Variants in ISY1 observed in about 807,000 individuals in gnomAD.
The protein encoded by ISY1 is ISY1 spliceosome associated protein, also known as pre-mRNA-splicing factor ISY1 homolog.
A neutral mutation model predicts 54.4 loss-of-function variants in ISY1; 12 were observed. That is an observed-to-expected ratio of 0.22 (90% CI 0.14 to 0.36). The LOEUF is 0.36. ISY1 is among the 10% of genes least tolerant of loss of function. The pLI, the probability that ISY1 is intolerant of heterozygous loss-of-function variation, is 1.00. For missense variants in ISY1, 282 were observed against 342.2 expected, an observed-to-expected ratio of 0.82 and a Z score of 1.39; for synonymous variants, 96 against 117.9, an observed-to-expected ratio of 0.81 and a Z score of 1.20.
rs767849123 is a variant in ISY1, at chr3:129,149,427, C to CAA, written c.188-3556_188-3555dup. On this transcript the variant is annotated intron_variant, in intron 5 of 10. Coordinates refer to ENST00000393295, the MANE Select transcript of ISY1 (RefSeq NM_020701.4). ...TGGCGACAAGAACAAAACTCTATCT[C>CAA]AAAAAAAAAAAAAAAAAAAAAAAAA... is the stretch of plus-strand genomic sequence containing the variant. 3.7e-3 allele frequency among the ~76,000 whole-genome samples: 90 copies of CAA among 24,208 alleles called. 2 individuals carry two copies. The highest frequency in any genetic ancestry group is 7.4e-3 in the African/African-American group (54 of 7,334). The allele number at this position is 24,208 out of a possible 152,430, so 15.9% of individuals were successfully genotyped here.
At chr3:129,148,663 C>T (rs189268517) in intron 5 of ISY1, among the ~76,000 whole-genome samples, 58 of 152,358 alleles carry the variant, frequency 3.8e-4, no homozygotes, top group African/African-American at 1.2e-3. Flanking sequence ...CTCTCAGGTT[C>T]AAGCTATCCT....
In ISY1 at chr3:129,160,846, AC is replaced by A. The variant is rs199829036; in HGVS notation, c.3+126del. ...GGCAGGAAGAGAATCCCCTCGTTAC[AC>A]CAAGGAACTTGAAGCCCTCAGCACT... On this transcript the variant is annotated intron_variant, in intron 1 of 10. Coordinates refer to ENST00000393295, the MANE Select transcript of ISY1 (RefSeq NM_020701.4). 9.4e-3 allele frequency: 11,475 copies of A among 1,215,322 alleles called. 100 individuals are homozygous for A. The highest frequency in any genetic ancestry group is 0.01 in the Non-Finnish European group (9,041 of 861,566). 75.3% of individuals were successfully genotyped at this position (1,215,322 alleles called of 1,614,324 possible). A position where few individuals can be genotyped will look rare whatever the true frequency, so the allele number is the denominator to read the frequency against.
chr3:129,134,866 A>G lies in ISY1; in HGVS notation c.507T>C (p.Val169=). 6.2e-7 allele frequency: 1 copy of G among 1,611,074 alleles called. No individual in the cohort carries two copies. Among genetic ancestry groups the G allele is most frequent in the Non-Finnish European group, 8.5e-7 (1 of 1,177,948 alleles). The part of the protein sequence containing the change: ...YYGYLDEDDG[V]IVPLEQEYEK... ...CATATTCCTGTTCCAAAGGCACAAT[A>G]ACACCATCATCTTCATCTAGGTAAC... Residue 169 remains valine (V), a synonymous_variant, in exon 8 of 11, where the codon GTT becomes GTC. Transcript: ENST00000393295.
chr3:129,133,987 T>C, intron 9 of ISY1, 87 bp downstream of exon 9: 5 of 1,582,280 alleles, frequency 3.2e-6, no homozygotes, highest in Non-Finnish European at 4.3e-6. Flanking sequence ...ACCCTGACTC[T>C]GTATTTGGGA....
chr3:129,145,706 C>G (rs552399642), intron 6 of ISY1, 55 bp downstream of exon 6: 2 of 1,557,964 alleles, frequency 1.3e-6, no homozygotes, highest in South Asian at 2.3e-5. Context: ...GAGCTGGGAA[C>G]TGCTGTGGGT....
intron 6 of ISY1, chr3:129,144,166 G>A (rs2107609800): frequency 2.3e-6 from 1 of 442,038 alleles, no homozygotes; most frequent in East Asian, 7.0e-5. Context: ...GATCAGGCAA[G>A]GGCTCACTCT....
chr3:129,152,659 G>A (rs1046282917), intron 5 of ISY1, among the ~76,000 whole-genome samples: 5 of 152,106 alleles, frequency 3.3e-5, no homozygotes, highest in African/African-American at 1.2e-4. Flanking sequence ...ACCCACCTTG[G>A]CCTCCCAAAG....
intron 5 of ISY1, among the ~76,000 whole-genome samples, chr3:129,150,900 A>G (rs560787985): frequency 8.6e-4 from 131 of 151,656 alleles, no homozygotes; most frequent in African/African-American, 3.1e-3. Flanking sequence ...AAGCAGGCAG[A>G]TATCACTTGA....
intron 9 of ISY1, among the ~76,000 whole-genome samples, chr3:129,133,689 G>A (rs970186693): frequency 5.9e-5 from 9 of 151,966 alleles, no homozygotes; most frequent in Admixed American, 2.0e-4. Context: ...GCCAGATTCC[G>A]TTTCAAAAAA....
intron 3 of ISY1, 43 bp from the exon 4 acceptor site, chr3:129,156,963 A>C: frequency 6.2e-7 from 1 of 1,605,840 alleles, no homozygotes; most frequent in Middle Eastern, 1.7e-4. Context: ...ACTATTTACA[A>C]GTTTCAAACA....
At chr3:129,138,649 C>CA (rs1282838509) in intron 7 of ISY1, among the ~76,000 whole-genome samples, 49 of 143,900 alleles carry the variant, frequency 3.4e-4, no homozygotes, top group Admixed American at 2.9e-3. Flanking sequence ...ATCTCAAAAA[C>CA]AAAAAAAAGA....
intron 6 of ISY1, among the ~76,000 whole-genome samples, chr3:129,140,894 C>G (rs897090578): frequency 1.3e-5 from 2 of 150,924 alleles, no homozygotes; most frequent in African/African-American, 4.9e-5. Context: ...CCCACTATTT[C>G]CATGTTTGCA....
intron 1 of ISY1, 79 bp from the exon 2 acceptor site, chr3:129,159,255 G>C: frequency 6.4e-7 from 1 of 1,555,880 alleles, no homozygotes; most frequent in Non-Finnish European, 8.7e-7. Flanking sequence ...TTAGTGAAAA[G>C]TTTTACAAGA....
chr3:129,160,918 G>GCCCCACCCCCCC, intron 1 of ISY1, 55 bp downstream of exon 1: 1 of 666,128 alleles, frequency 1.5e-6, no homozygotes, highest in Non-Finnish European at 2.7e-6. Flanking sequence ...TGGACTGGGC[G>GCCCCACCCCCCC]CCCCCCCGCC....
chr3:129,136,729 A>T (rs1437706491), intron 7 of ISY1, among the ~76,000 whole-genome samples: 2 of 133,012 alleles, frequency 1.5e-5, no homozygotes, highest in Non-Finnish European at 3.2e-5. Context: ...TCGCTCTGTC[A>T]CCCAGGCTGG....
At chr3:129,148,277 T>A (rs1300860315) in intron 5 of ISY1, among the ~76,000 whole-genome samples, 3 of 152,212 alleles carry the variant, frequency 2.0e-5, no homozygotes, top group East Asian at 3.8e-4. Context: ...CAGAAAAGTA[T>A]TACATTTCTC....
intron 10 of ISY1, 98 bp downstream of exon 10, chr3:129,130,452 G>T: frequency 6.8e-7 from 1 of 1,460,218 alleles, no homozygotes; most frequent in South Asian, 1.3e-5. Context: ...GAGCTGCCCT[G>T]ATGGGTAGGA....
In ISY1 at chr3:129,130,600, C is replaced by A. The variant is rs763381572; in HGVS notation, c.700G>T (p.Asp234Tyr). ...EEGSQEKGGD[D>Y]SQQKFIAHVP... ...TGAGCAATGAACTTCTGCTGGCTGTCGTCCCCTCCTTTCTCCTGGCTGCCT... is the reference window on the plus strand; with the variant it reads ...TGAGCAATGAACTTCTGCTGGCTGTAGTCCCCTCCTTTCTCCTGGCTGCCT... The change falls in exon 10 of 11, where the codon GAC becomes TAC. Residue 234 changes from aspartate (D) to tyrosine (Y), a missense_variant. Physicochemically the swap from Asp to Tyr is radical, Grantham distance 160. Coordinates refer to ENST00000393295, the MANE Select transcript of ISY1 (RefSeq NM_020701.4). 1 of 1,614,134 alleles carries A rather than the reference C, an allele frequency of 6.2e-7. No homozygotes were observed. The highest frequency in any genetic ancestry group is 1.1e-5 in the South Asian group (1 of 91,066).
At chr3:129,159,203 A>G in intron 1 of ISY1, 27 bp from the exon 2 acceptor site, 1 of 1,593,400 alleles carries the variant, frequency 6.3e-7, no homozygotes, top group Non-Finnish European at 8.5e-7. Context: ...GAGAAGAAAA[A>G]TGTCCATGTT....
Sources: allele counts gnomAD v4.1 joint callset (sites outside exome capture counted in the v4.1 genomes callset), GRCh38; gene constraint gnomAD v4.1.1; transcripts MANE v1.5; gene names NCBI Gene and HGNC (gene_info 2026-07-23, HGNC 2026-07-21).